The following SLC39A11 variants were observed in gnomAD, a reference collection of about 807,000 sequenced individuals.
SLC39A11 encodes solute carrier family 39 member 11, also known as zinc transporter ZIP11.
In SLC39A11, 33 loss-of-function variants were observed where a neutral mutation model predicts 36.1. The ratio of observed to expected loss-of-function variants is 0.91; its 90% CI spans 0.69 to 1.22. The LOEUF is 1.22. Ranked by LOEUF, SLC39A11 falls within the 50% of genes most tolerant of loss-of-function variation. The pLI, the probability that SLC39A11 is intolerant of heterozygous loss-of-function variation, is 0.00. For missense variants in SLC39A11, 432 were observed against 430.3 expected, an observed-to-expected ratio of 1.00 and a Z score of -0.03; for synonymous variants, 166 against 170.3, an observed-to-expected ratio of 0.97 and a Z score of 0.20.
intron 6 of SLC39A11, among the ~76,000 whole-genome samples, chr17:72,774,280 C>A (rs1377671987): frequency 6.6e-6 from 1 of 152,166 alleles, no homozygotes; most frequent in Non-Finnish European, 1.5e-5. Flanking sequence ...GGACAGTGAC[C>A]ACCAAACTCT....
chr17:72,769,611 C>A (rs761004070), intron 6 of SLC39A11, among the ~76,000 whole-genome samples: 8 of 151,560 alleles, frequency 5.3e-5, no homozygotes, highest in Non-Finnish European at 1.0e-4. Flanking sequence ...GTGGCCCGAT[C>A]TCGGCTCACT....
chr17:72,790,521 T>C (rs1458871833), intron 6 of SLC39A11, among the ~76,000 whole-genome samples: 1 of 151,176 alleles, frequency 6.6e-6, no homozygotes, highest in Non-Finnish European at 1.5e-5. Flanking sequence ...AACAATGAAT[T>C]TCTCTCTCTC....
chr17:72,816,726 C>T (rs1335734355), intron 6 of SLC39A11, among the ~76,000 whole-genome samples: 3 of 152,170 alleles, frequency 2.0e-5, no homozygotes, highest in African/African-American at 7.2e-5. Context: ...AATCTGTCAT[C>T]CCAAACTAAC....
At chr17:72,849,050 T>C (rs1356736271) in intron 6 of SLC39A11, among the ~76,000 whole-genome samples, 3 of 151,930 alleles carry the variant, frequency 2.0e-5, no homozygotes, top group South Asian at 2.1e-4. Flanking sequence ...TCTTACAATA[T>C]AGCAATCTCA....
At chr17:73,017,990 G>T (rs2058222995) in intron 4 of SLC39A11, among the ~76,000 whole-genome samples, 1 of 152,282 alleles carries the variant, frequency 6.6e-6, no homozygotes, top group Admixed American at 6.5e-5. Flanking sequence ...ATTCCAACTA[G>T]TCTTAGCAAG....
At chr17:72,654,903 G>T (rs1487903865) in intron 7 of SLC39A11, among the ~76,000 whole-genome samples, 1 of 152,216 alleles carries the variant, frequency 6.6e-6, no homozygotes, top group Non-Finnish European at 1.5e-5. Context: ...CGCCCGGCGG[G>T]CTGTGGGAGC....
intron 4 of SLC39A11, among the ~76,000 whole-genome samples, chr17:72,952,009 G>T (rs1339766300): frequency 6.6e-6 from 1 of 152,044 alleles, no homozygotes; most frequent in African/African-American, 2.4e-5. Flanking sequence ...CTTAGAAGCT[G>T]CCCTTTTAAA....
At chr17:72,720,351 G>A (rs1421231409) in intron 7 of SLC39A11, among the ~76,000 whole-genome samples, 1 of 131,378 alleles carries the variant, frequency 7.6e-6, no homozygotes, top group Non-Finnish European at 1.7e-5. Flanking sequence ...TAGAAGCAGT[G>A]GGAGGGCAGA....
rs554130776 is a variant in SLC39A11, at chr17:72,770,444, A to G, written c.602-33725T>C. 3.3e-5 allele frequency among the ~76,000 whole-genome samples: 5 copies of G among 152,314 alleles called. No individual in the cohort carries two copies. In the East Asian group the frequency reaches 9.7e-4, roughly 29 times the overall value. On this transcript the variant is annotated intron_variant, in intron 6 of 9. Coordinates refer to ENST00000255559, the MANE Select transcript of SLC39A11 (RefSeq NM_139177.4). Reference sequence around the variant, plus strand: ...GGATGTGGCACTCCTTTTAGAGGACACTTTTGGCTCATGGGCCTCCCTTCA... The same window carrying G: ...GGATGTGGCACTCCTTTTAGAGGACGCTTTTGGCTCATGGGCCTCCCTTCA...
chr17:73,080,708 G>A (rs1485753699), intron 3 of SLC39A11, among the ~76,000 whole-genome samples: 1 of 152,162 alleles, frequency 6.6e-6, no homozygotes, highest in East Asian at 1.9e-4. Flanking sequence ...ACTCTGGGAG[G>A]CTGAGACAGG....
intron 4 of SLC39A11, among the ~76,000 whole-genome samples, chr17:72,974,601 A>T (rs2087712495): frequency 6.6e-6 from 1 of 152,236 alleles, no homozygotes; most frequent in African/African-American, 2.4e-5. Context: ...ACAAGCTGAT[A>T]AGGTAAAAAT....
chr17:72,999,075 G>C (rs900563011), intron 4 of SLC39A11, among the ~76,000 whole-genome samples: 1 of 152,174 alleles, frequency 6.6e-6, no homozygotes, highest in Non-Finnish European at 1.5e-5. Context: ...CAACAGGTCT[G>C]ATGTGACGTA....
At chr17:72,847,437 T>TA (rs2079104193) in intron 6 of SLC39A11, among the ~76,000 whole-genome samples, 1 of 148,072 alleles carries the variant, frequency 6.8e-6, no homozygotes, top group Admixed American at 6.7e-5. Context: ...GAAAACCAAC[T>TA]AAAAAAAGCT....
At chr17:72,892,711 C>T (rs546103085) in intron 5 of SLC39A11, among the ~76,000 whole-genome samples, 7 of 152,210 alleles carry the variant, frequency 4.6e-5, no homozygotes, top group East Asian at 1.9e-4. Flanking sequence ...GATAACACAA[C>T]GCAGAAACAA....
chr17:72,647,807 G>A, intron 9 of SLC39A11, 145 bp from the exon 10 acceptor site: 1 of 644,766 alleles, frequency 1.6e-6, no homozygotes, highest in Non-Finnish European at 2.7e-6. Flanking sequence ...CTTACTATGT[G>A]CCAGGCAAAC....
chr17:72,935,715 T>C (rs1004098828), intron 5 of SLC39A11, among the ~76,000 whole-genome samples: 4 of 152,150 alleles, frequency 2.6e-5, no homozygotes, highest in African/African-American at 9.6e-5. Flanking sequence ...CCTGAGTAGC[T>C]GGGATTACAG....
chr17:72,795,456 G>GA (rs761128680), intron 6 of SLC39A11, among the ~76,000 whole-genome samples: 1 of 152,144 alleles, frequency 6.6e-6, no homozygotes, highest in African/African-American at 2.4e-5. Flanking sequence ...AAGAGAGCAA[G>GA]ACAGTGATAG....
intron 4 of SLC39A11, among the ~76,000 whole-genome samples, chr17:73,031,325 G>T (rs117497508): frequency 1.4e-4 from 21 of 152,098 alleles, no homozygotes; most frequent in Non-Finnish European, 2.5e-4. Context: ...TTAATGAAAT[G>T]TGACATTCAA....
At chr17:72,704,658 G>A (rs2072808996) in intron 7 of SLC39A11, among the ~76,000 whole-genome samples, 1 of 152,188 alleles carries the variant, frequency 6.6e-6, no homozygotes, top group South Asian at 2.1e-4. Context: ...AATCAACCAT[G>A]AAGGACCAGG....
Sources: gnomAD v4.1 joint callset for allele counts (sites outside exome capture counted in the v4.1 genomes callset) on GRCh38, gnomAD v4.1.1 for gene constraint, MANE v1.5 for transcripts, NCBI Gene and HGNC (gene_info 2026-07-23, HGNC 2026-07-21) for gene names.